EDC3: variants seen among roughly 807,000 people sequenced by gnomAD.
The protein encoded by EDC3 is enhancer of mRNA-decapping protein 3.
EDC3 carries 20 observed loss-of-function variants against 41.8 expected under a neutral mutation model. That is an observed-to-expected ratio of 0.48 (90% CI 0.34 to 0.70). The LOEUF (loss-of-function observed/expected upper bound fraction) is 0.70, where lower values mean the gene tolerates loss of function less well. EDC3 is among the 30% of genes least tolerant of loss of function. EDC3 has a pLI of 0.01. For missense variants in EDC3, 444 were observed against 636.8 expected (o/e 0.70, Z 3.26); for synonymous variants, 206 against 243.2 (o/e 0.85, Z 1.42).
chr15:74,650,281 G>T lies in EDC3; in HGVS notation c.820+5452C>A, dbSNP rs1309376653. 2.0e-5 allele frequency among the ~76,000 whole-genome samples: 3 copies of T among 152,142 alleles called. No individual in the cohort carries two copies. In the East Asian group the frequency reaches 5.8e-4, roughly 29 times the overall value. ...TGGCACACAAGGCCCTCTATGCTCT[G>T]GTCCAAAGCTATATTTTAGTTCCTT... On this transcript the variant is annotated intron_variant, in intron 4 of 6. Coordinates refer to ENST00000315127, the MANE Select transcript of EDC3 (RefSeq NM_025083.5).
rs144518140 is a variant in EDC3, at chr15:74,668,434, A to C, written c.484+3021T>G. ...AAAAAAATAATATGAATTGCTAATA[A>C]GGGTCATCTTCAAGTGCACGGAAGA... On this transcript the variant is annotated intron_variant, in intron 3 of 6. Coordinates refer to ENST00000315127, the MANE Select transcript of EDC3 (RefSeq NM_025083.5). Among the ~76,000 whole-genome samples, 98 of 152,386 alleles carry C rather than the reference A, an allele frequency of 6.4e-4. 1 individual carries two copies. Among genetic ancestry groups the C allele is most frequent in the African/African-American group, 2.3e-3 (96 of 41,596 alleles).
At chr15:74,668,729 T>TGAAAGAAAGAAAGAAA (rs10660702) in intron 3 of EDC3, among the ~76,000 whole-genome samples, 4,651 of 140,304 alleles carry the variant, frequency 0.033, 239 homozygotes, top group African/African-American at 0.1. Context: ...CAAAAATGAA[T>TGAAAGAAAGAAAGAAA]GAAAGAAAGA....
chr15:74,687,670 G>A (rs1487802778), intron 1 of EDC3, among the ~76,000 whole-genome samples: 1 of 152,144 alleles, frequency 6.6e-6, no homozygotes, highest in Non-Finnish European at 1.5e-5. Flanking sequence ...CACTGTGCCT[G>A]GCCCTTGGGT....
intron 1 of EDC3, among the ~76,000 whole-genome samples, chr15:74,689,682 G>A (rs985333376): frequency 9.2e-5 from 14 of 152,196 alleles, no homozygotes; most frequent in Non-Finnish European, 1.3e-4. Context: ...CCGCCACCGC[G>A]CCCGGCTAAT....
chr15:74,683,529 G>C lies in EDC3; in HGVS notation c.-18-8387C>G, dbSNP rs373344098. On this transcript the variant is annotated intron_variant, in intron 1 of 6. Transcript: ENST00000315127. ...GTACTCCAGCCTGGGCAACAGAGTA[G>C]CAACATGGGGGACTCTTGTAGTAAT... 6.0e-5 allele frequency among the ~76,000 whole-genome samples: 9 copies of C among 151,020 alleles called. No individual in the cohort carries two copies. The East Asian group carries it at 7.9e-4, about 13-fold the overall frequency.
chr15:74,643,053 TCTGA>T (rs988537237), intron 4 of EDC3: 1 of 152,198 alleles, frequency 6.6e-6, no homozygotes, highest in African/African-American at 2.4e-5. Context: ...AGAACTCTAC[TCTGA>T]CTGTTCCTCT....
intron 1 of EDC3, among the ~76,000 whole-genome samples, chr15:74,682,774 G>A (rs1048154907): frequency 6.6e-6 from 1 of 152,188 alleles, no homozygotes; most frequent in Non-Finnish European, 1.5e-5. Flanking sequence ...TGTAATCCCA[G>A]CACTTTGGGA....
At chr15:74,652,563 G>A (rs1233351462) in intron 4 of EDC3, among the ~76,000 whole-genome samples, 5 of 150,886 alleles carry the variant, frequency 3.3e-5, no homozygotes, top group Non-Finnish European at 7.4e-5. Flanking sequence ...GAAGAGAAAA[G>A]GAGATGTGAT....
At position 74,658,624 on chromosome 15, in the gene EDC3, GAAAA is replaced by G. The variant is rs60193835; in HGVS notation, c.485-2560_485-2557del. Among the ~76,000 whole-genome samples, 365 of 38,934 alleles carry G rather than the reference GAAAA, an allele frequency of 9.4e-3. 1 individual carries two copies. Among genetic ancestry groups the G allele is most frequent in the South Asian group, 0.03 (33 of 1,086 alleles). The allele number at this position is 38,934 out of a possible 152,430, so 25.5% of individuals were successfully genotyped here. A position where few individuals can be genotyped will look rare whatever the true frequency, so the allele number is the denominator to read the frequency against. ...CAGTGAAGATGCAATTTACGTCTCT[GAAAA>G]AAAAAAAAAAAAAAAAAAAAAAAAA... On this transcript the variant is annotated intron_variant, in intron 3 of 6. Transcript: ENST00000315127.
rs535977415 is a variant in EDC3 at position 74,651,536 on chromosome 15, C to A, written c.820+4197G>T. Among the ~76,000 whole-genome samples, 7 of 152,350 alleles carry A rather than the reference C, an allele frequency of 4.6e-5. No individual in the cohort carries two copies. In the South Asian group the frequency reaches 1.2e-3, roughly 27 times the overall value. On this transcript the variant is annotated intron_variant, in intron 4 of 6. Coordinates refer to ENST00000315127, the MANE Select transcript of EDC3 (RefSeq NM_025083.5). ...ATAGCTTATGTACTGTTGGTTGACA[C>A]CACTTAGCATGAAGTCAATATATAG...
chr15:74,634,495 G>A (rs1220999613), intron 6 of EDC3, among the ~76,000 whole-genome samples: 5 of 151,944 alleles, frequency 3.3e-5, no homozygotes, highest in South Asian at 2.1e-4. Context: ...CATATAACTC[G>A]TTCCCTATCA....
At chr15:74,635,318 T>C (rs563013167) in intron 6 of EDC3, 91 bp downstream of exon 6, 2 of 1,265,710 alleles carry the variant, frequency 1.6e-6, no homozygotes, top group East Asian at 4.6e-5. Context: ...ACGTAGTGCC[T>C]TTCCACCTGT....
intron 6 of EDC3, 115 bp from the exon 7 acceptor site, chr15:74,633,061 G>C (rs1350543887): frequency 1.8e-5 from 20 of 1,106,824 alleles, no homozygotes; most frequent in Non-Finnish European, 2.4e-5. Context: ...CCACTCGAAT[G>C]CCTCTCCAAA....
chr15:74,672,613 C>T (rs1213054720), intron 2 of EDC3, among the ~76,000 whole-genome samples: 2 of 152,014 alleles, frequency 1.3e-5, no homozygotes, highest in East Asian at 1.9e-4. Flanking sequence ...GCCAGGAGTT[C>T]GAGACCAGCC....
chr15:74,660,936 T>A (rs1214440454), intron 3 of EDC3, among the ~76,000 whole-genome samples: 2 of 152,182 alleles, frequency 1.3e-5, no homozygotes, highest in African/African-American at 4.8e-5. Context: ...AAGAAGTCTA[T>A]CCATGCAAGT....
At chr15:74,648,196 C>T (rs1828354756) in intron 4 of EDC3, among the ~76,000 whole-genome samples, 1 of 152,236 alleles carries the variant, frequency 6.6e-6, no homozygotes, top group Non-Finnish European at 1.5e-5. Context: ...AGATTTATTT[C>T]TTCCTGAATT....
At position 74,632,859 on chromosome 15, in the gene EDC3, G is replaced by A. The variant is rs1399831872; in HGVS notation, c.1280C>T (p.Ala427Val). Residue 427 changes from alanine (A) to valine (V), a missense_variant, in exon 7 of 7, where the codon GCA becomes GTA. Around this residue, in one of 3 missense-constraint regions of EDC3, gnomAD observed 242 missense variants for 363.8 expected, o/e 0.67. Transcript: ENST00000315127. The surrounding 1 kb of genome is among the most constrained non-coding windows in gnomAD (Gnocchi z 4.0). The stretch of plus-strand genomic sequence containing the variant: ...GTTCTGGTTGGCCCAGGCCACAGCT[G>A]CCTTGTACCAGGGTTGATCGCGCAG... Reference protein sequence around the residue: ...VFLRDQPWYKAAVAWANQNRA... With the variant: ...VFLRDQPWYKVAVAWANQNRA... 1 of 1,614,276 alleles carries A rather than the reference G, an allele frequency of 6.2e-7. No homozygotes were observed. Among genetic ancestry groups the A allele is most frequent in the Middle Eastern group, 1.6e-4 (1 of 6,062 alleles).
intron 4 of EDC3, chr15:74,644,670 A>G (rs916860742): frequency 1.3e-5 from 2 of 151,194 alleles, no homozygotes; most frequent in African/African-American, 4.9e-5. Flanking sequence ...ATATATATAT[A>G]TATAAATAAA....
intron 4 of EDC3, among the ~76,000 whole-genome samples, chr15:74,649,786 C>G (rs529061136): frequency 9.0e-4 from 136 of 151,940 alleles, no homozygotes; most frequent in Non-Finnish European, 1.7e-3. Flanking sequence ...CCACATCTCC[C>G]TATCCCTCAT....
Sources: gnomAD v4.1 joint callset for allele counts (sites outside exome capture counted in the v4.1 genomes callset) on GRCh38, gnomAD v4.1.1 for gene constraint, gnomAD v4.1.1 regional missense constraint, Gnocchi (gnomAD v3.1) non-coding constraint, MANE v1.5 for transcripts, NCBI Gene and HGNC (gene_info 2026-07-23, HGNC 2026-07-21) for gene names.